UBE4A: variants seen among roughly 807,000 people sequenced by gnomAD.
The protein encoded by UBE4A is ubiquitin conjugation factor E4 A.
A neutral mutation model predicts 117.9 loss-of-function variants in UBE4A; 48 were observed. That is an observed-to-expected ratio of 0.41 (90% confidence interval 0.32 to 0.52). The LOEUF is 0.52. UBE4A is among the 20% of genes least tolerant of loss of function. The pLI, the probability that UBE4A is intolerant of heterozygous loss-of-function variation, is 0.33. For synonymous variants in UBE4A, 407 were observed against 450.0 expected (o/e 0.90, Z 1.21); for missense variants, 1,067 against 1,296.3 (o/e 0.82, Z 2.72).
intron 2 of UBE4A, 135 bp from the exon 3 acceptor site, chr11:118,368,496 A>G: frequency 1.0e-6 from 1 of 1,003,770 alleles, no homozygotes; most frequent in South Asian, 1.6e-5. Flanking sequence ...CTGACTTGAG[A>G]TGTTCACTAA....
At position 118,384,670 on chromosome 11, in the gene UBE4A, C is replaced by T. The variant is rs1948738288; in HGVS notation, c.2233C>T (p.Arg745Cys). The T allele has an allele frequency of 3.7e-6, 6 of 1,614,010 alleles. No homozygotes were observed. The highest frequency in any genetic ancestry group is 5.1e-6 in the Non-Finnish European group (6 of 1,179,978). Residue 745 changes from arginine to cysteine, a missense_variant, in exon 14 of 20, where the codon CGC (arginine) becomes TGC (cysteine). By Grantham distance (180) the Arg-to-Cys change is radical (BLOSUM62 -3). Around this residue, in one of 3 missense-constraint regions of UBE4A, gnomAD observed 1,001 missense variants for 1,184.0 expected, o/e 0.85. Coordinates refer to ENST00000252108, the MANE Select transcript of UBE4A (RefSeq NM_001204077.2). ...PHQFEQKFNY[R>C]RPMYPILRYM... The stretch of plus-strand genomic sequence containing the variant: ...TCAATTTGAACAGAAGTTTAATTAC[C>T]GCCGTCCCATGTATCCTATCCTAAG...
At position 118,396,529 on chromosome 11, in the gene UBE4A, C is replaced by A; in HGVS notation, c.*89C>A. 209 of 1,180,764 alleles carry A rather than the reference C, an allele frequency of 1.8e-4. No homozygotes were observed. Among genetic ancestry groups the A allele is most frequent in the Middle Eastern group, 4.4e-4 (2 of 4,574 alleles). The allele number at this position is 1,180,764 out of a possible 1,614,324, so 73.1% of individuals were successfully genotyped here. A position where few individuals can be genotyped will look rare whatever the true frequency, so the allele number is the denominator to read the frequency against. On this transcript the variant is annotated 3_prime_UTR_variant, in exon 20 of 20. Coordinates refer to ENST00000252108, the MANE Select transcript of UBE4A (RefSeq NM_001204077.2). ...CTCTCTTTCTGGTTCTGTTCCTTTT[C>A]TTTCTTCTTTTCTTTTTCTTTTTTT...
At chr11:118,381,630 A>C in intron 12 of UBE4A, 107 bp downstream of exon 12, 1 of 1,435,530 alleles carries the variant, frequency 7.0e-7, no homozygotes, top group South Asian at 1.4e-5. Context: ...TTGCCTTCAG[A>C]AGTTATGGTA....
At chr11:118,393,652 G>T (rs1318572635) in intron 19 of UBE4A, among the ~76,000 whole-genome samples, 3 of 151,888 alleles carry the variant, frequency 2.0e-5, no homozygotes, top group African/African-American at 7.3e-5. Flanking sequence ...CTAGAGTGCA[G>T]TGGCGCGATC....
At chr11:118,395,199 C>T (rs1555129382) in intron 19 of UBE4A, among the ~76,000 whole-genome samples, 2 of 151,662 alleles carry the variant, frequency 1.3e-5, no homozygotes, top group Non-Finnish European at 2.9e-5. Context: ...CATGATAGCA[C>T]GTGCCTGTAG....
At chr11:118,366,851 C>T (rs45555733) in intron 2 of UBE4A, among the ~76,000 whole-genome samples, 4 of 152,244 alleles carry the variant, frequency 2.6e-5, no homozygotes, top group East Asian at 1.9e-4. Flanking sequence ...GGCAGATCAC[C>T]GGAGGTCAGG....
intron 11 of UBE4A, 118 bp from the exon 12 acceptor site, chr11:118,381,273 C>G: frequency 7.6e-7 from 1 of 1,309,666 alleles, no homozygotes; most frequent in South Asian, 1.5e-5. Context: ...CTAGTACCAA[C>G]AAAACATTTA....
Position 118,399,068 on chromosome 11 carries a change from A to G in UBE4A, c.*2628A>G, listed in dbSNP as rs1198614655. On this transcript the variant is annotated 3_prime_UTR_variant, in exon 20 of 20. Transcript: ENST00000252108. ...TGCTCAACAGGAAATGAACCTAGAAACAGAAAATGAAAAGGTTGATTGAAA... is the reference window on the plus strand; with the variant it reads ...TGCTCAACAGGAAATGAACCTAGAAGCAGAAAATGAAAAGGTTGATTGAAA... 1 of 456,506 alleles carries G rather than the reference A, an allele frequency of 2.2e-6. No individual in the cohort carries two copies. The highest frequency in any genetic ancestry group is 2.4e-5 in the Admixed American group (1 of 42,542). 28.3% of individuals were successfully genotyped at this position (456,506 alleles called of 1,614,324 possible). A position where few individuals can be genotyped will look rare whatever the true frequency, so the allele number is the denominator to read the frequency against.
At position 118,373,098 on chromosome 11, in the gene UBE4A, T is replaced by A. The variant is rs1273038861; in HGVS notation, c.734T>A (p.Val245Glu). Reference sequence around the variant, plus strand: ...TGTCTTCTGTTAGATTTTGAAGATGTAACTGAGTTTCTGGAAGAGGTCATT... The same window carrying A: ...TGTCTTCTGTTAGATTTTGAAGATGAAACTGAGTTTCTGGAAGAGGTCATT... ...EAIQGAHFED[V>E]TEFLEEVIEA... is the part of the protein sequence containing the mutation. The change falls in exon 7 of 20, where the codon GTA becomes GAA. Residue 245 changes from valine to glutamate, a missense_variant. Physicochemically the swap from Val to Glu is moderately radical, Grantham distance 121 (BLOSUM62 -2). Coordinates refer to ENST00000252108, the MANE Select transcript of UBE4A (RefSeq NM_001204077.2). The A allele has an allele frequency of 6.2e-7, 1 of 1,613,970 alleles. No homozygotes were observed. The highest frequency in any genetic ancestry group is 1.7e-5 in the Admixed American group (1 of 60,004).
chr11:118,390,734 G>A lies in UBE4A; in HGVS notation c.2846G>A (p.Arg949Gln). The change falls in exon 18 of 20, where the codon CGA (arginine) becomes CAA (glutamine). Residue 949 changes from arginine to glutamine, a missense_variant. Coordinates refer to ENST00000252108, the MANE Select transcript of UBE4A (RefSeq NM_001204077.2). Reference sequence around the variant, plus strand: ...CCAACTCTCTTTGCACAGACAGTTCGAGTCTTGAAGAAAATAAATAAGCCT... The same window carrying A: ...CCAACTCTCTTTGCACAGACAGTTCAAGTCTTGAAGAAAATAAATAAGCCT... Reference protein sequence around the residue: ...YSPTLFAQTVRVLKKINKPGN... With the variant: ...YSPTLFAQTVQVLKKINKPGN... 8 of 1,605,902 alleles carry A rather than the reference G, an allele frequency of 5.0e-6. No individual in the cohort carries two copies. Among genetic ancestry groups the A allele is most frequent in the Non-Finnish European group, 6.0e-6 (7 of 1,176,270 alleles).
chr11:118,367,890 A>G (rs908956331), intron 2 of UBE4A, among the ~76,000 whole-genome samples: 1 of 152,204 alleles, frequency 6.6e-6, no homozygotes, highest in Non-Finnish European at 1.5e-5. Flanking sequence ...CAAGTAAACA[A>G]AAAGAGTTAA....
intron 10 of UBE4A, among the ~76,000 whole-genome samples, chr11:118,377,482 A>G (rs966323761): frequency 2.6e-5 from 4 of 152,090 alleles, no homozygotes; most frequent in African/African-American, 9.7e-5. Flanking sequence ...TGCTGGGATT[A>G]CAGGCATGAG....
At position 118,384,719 on chromosome 11, in the gene UBE4A, A is replaced by G. The variant is rs1299656349; in HGVS notation, c.2282A>G (p.Tyr761Cys). Residue 761 changes from tyrosine to cysteine, a missense_variant, in exon 14 of 20, where the codon TAT becomes TGT. By Grantham distance (194) the Tyr-to-Cys change is radical (BLOSUM62 -2). Coordinates refer to ENST00000252108, the MANE Select transcript of UBE4A (RefSeq NM_001204077.2). ...ILRYMWGTDT[Y>C]RESIKDLADY... ...AGATACATGTGGGGGACAGATACCT[A>G]TCGGGAGAGCATTAAGGTGAGAGAG... is the stretch of plus-strand genomic sequence containing the variant. 3.1e-6 allele frequency: 5 copies of G among 1,613,934 alleles called. No individual in the cohort carries two copies. Among genetic ancestry groups the G allele is most frequent in the Admixed American group, 1.7e-5 (1 of 59,976 alleles).
At chr11:118,364,854 C>A (rs1948550293) in intron 1 of UBE4A, among the ~76,000 whole-genome samples, 186 bp from the exon 2 acceptor site, 1 of 150,234 alleles carries the variant, frequency 6.7e-6, no homozygotes, top group Admixed American at 6.6e-5. Context: ...GCCACCGAGT[C>A]CAGCTGGTAG....
At chr11:118,390,310 A>C (rs1200420606) in intron 17 of UBE4A, among the ~76,000 whole-genome samples, 1 of 150,714 alleles carries the variant, frequency 6.6e-6, no homozygotes, top group Non-Finnish European at 1.5e-5. Flanking sequence ...TTTTAAGGTC[A>C]CATGATACTT....
At chr11:118,374,012 G>A (rs570211214) in intron 8 of UBE4A, among the ~76,000 whole-genome samples, 9 of 152,078 alleles carry the variant, frequency 5.9e-5, no homozygotes, top group Non-Finnish European at 1.3e-4. Flanking sequence ...TACTCGGGAG[G>A]CTGAGGTGGG....
Position 118,396,541 on chromosome 11 carries a change from C to CTT in UBE4A, c.*105_*106dup. 2.2e-6 allele frequency: 2 copies of CTT among 911,730 alleles called. No individual in the cohort carries two copies. Among genetic ancestry groups the CTT allele is most frequent in the South Asian group, 4.9e-5 (2 of 40,546 alleles). The allele number at this position is 911,730 out of a possible 1,614,324, so 56.5% of individuals were successfully genotyped here. The stretch of plus-strand genomic sequence containing the variant: ...TTCTGTTCCTTTTCTTTCTTCTTTT[C>CTT]TTTTTCTTTTTTTTTTTTTTTTTTA... On this transcript the variant is annotated 3_prime_UTR_variant, in exon 20 of 20. Coordinates refer to ENST00000252108, the MANE Select transcript of UBE4A (RefSeq NM_001204077.2).
At chr11:118,376,549 C>T in intron 9 of UBE4A, 25 bp from the exon 10 acceptor site, 3 of 1,374,818 alleles carry the variant, frequency 2.2e-6, no homozygotes, top group Non-Finnish European at 3.0e-6. Flanking sequence ...CATTTACCCT[C>T]TTTTTTTTTT....
chr11:118,362,242 C>T (rs1948526099), intron 1 of UBE4A, among the ~76,000 whole-genome samples: 1 of 152,184 alleles, frequency 6.6e-6, no homozygotes, highest in African/African-American at 2.4e-5. Context: ...CCTGCCTCAG[C>T]CTCCTGAGTA....
Sources: gnomAD v4.1 joint callset for allele counts (sites outside exome capture counted in the v4.1 genomes callset) on GRCh38, gnomAD v4.1.1 for gene constraint, gnomAD v4.1.1 regional missense constraint, MANE v1.5 for transcripts, NCBI Gene and HGNC (gene_info 2026-07-23, HGNC 2026-07-21) for gene names.